Variants in RHOBTB3 observed in about 807,000 individuals in gnomAD.
RHOBTB3 encodes rho-related BTB domain-containing protein 3.
RHOBTB3 carries 47 observed loss-of-function variants against 67.2 expected under a neutral mutation model. The ratio of observed to expected loss-of-function variants is 0.70; its 90% CI spans 0.55 to 0.89. RHOBTB3 has a LOEUF of 0.89. RHOBTB3 is among the 40% of genes least tolerant of loss of function. RHOBTB3 has a pLI of 0.00. For missense variants in RHOBTB3, 631 were observed against 750.0 expected (o/e 0.84, Z 1.85); for synonymous variants, 273 against 274.2 (o/e 1.00, Z 0.04).
rs144600124 is a variant in RHOBTB3, at chr5:95,774,911, T to C, written c.1283-5341T>C. ...TTGTATTACATATATATATATATGATAGCATTGACTCTGGCAGCAACTCTG... is the reference window on the plus strand; with the variant it reads ...TTGTATTACATATATATATATATGACAGCATTGACTCTGGCAGCAACTCTG... On this transcript the variant is annotated intron_variant, in intron 8 of 11. Transcript: ENST00000379982. 2.8e-3 allele frequency among the ~76,000 whole-genome samples: 430 copies of C among 152,310 alleles called. 1 individual carries two copies. The highest frequency in any genetic ancestry group is 0.013 in the South Asian group (65 of 4,824).
At chr5:95,748,729 G>T (rs1745002443) in intron 4 of RHOBTB3, among the ~76,000 whole-genome samples, 1 of 152,100 alleles carries the variant, frequency 6.6e-6, no homozygotes, top group African/African-American at 2.4e-5. Context: ...GTGATCTTTA[G>T]TAGTCTTTGT....
At chr5:95,740,872 T>C (rs1406621262) in intron 3 of RHOBTB3, among the ~76,000 whole-genome samples, 1 of 152,172 alleles carries the variant, frequency 6.6e-6, no homozygotes, top group Admixed American at 6.5e-5. Context: ...CACACACTTT[T>C]TTTTGGCTGA....
chr5:95,741,424 ATTG>A (rs1470063705), intron 3 of RHOBTB3, among the ~76,000 whole-genome samples: 1 of 148,370 alleles, frequency 6.7e-6, no homozygotes, highest in Non-Finnish European at 1.5e-5. Context: ...GGGGTTTATC[ATTG>A]TTGTTGTCTT....
At chr5:95,774,809 A>G (rs1745819767) in intron 8 of RHOBTB3, among the ~76,000 whole-genome samples, 2 of 152,206 alleles carry the variant, frequency 1.3e-5, no homozygotes, top group Admixed American at 1.3e-4. Context: ...GTTCTAGTCT[A>G]GAATCAAGAA....
chr5:95,720,058 C>T (rs560156419), intron 1 of RHOBTB3, among the ~76,000 whole-genome samples: 6 of 152,136 alleles, frequency 3.9e-5, no homozygotes, highest in Non-Finnish European at 7.4e-5. Context: ...CTTTAATAGT[C>T]GAGAGTCTCA....
intron 11 of RHOBTB3, among the ~76,000 whole-genome samples, chr5:95,792,833 TC>T (rs1392681214): frequency 6.6e-6 from 1 of 151,494 alleles, no homozygotes; most frequent in Non-Finnish European, 1.5e-5. Flanking sequence ...GAAATACTAC[TC>T]GAAGTAGTGG....
chr5:95,738,424 A>C (rs1387693748), intron 3 of RHOBTB3, among the ~76,000 whole-genome samples: 1 of 152,082 alleles, frequency 6.6e-6, no homozygotes, highest in Non-Finnish European at 1.5e-5. Context: ...TTGTTCCCCA[A>C]AGTTCATGTG....
chr5:95,736,028 G>C lies in RHOBTB3; in HGVS notation c.229-861G>C, dbSNP rs571749954. ...GAGGCACAGGAATTGCTTGAACTTG[G>C]GAGGTGGAGGCTGCAGTGAGCCGAG... On this transcript the variant is annotated intron_variant, in intron 2 of 11. Coordinates refer to ENST00000379982, the MANE Select transcript of RHOBTB3 (RefSeq NM_014899.4). 5.1e-4 allele frequency among the ~76,000 whole-genome samples: 78 copies of C among 152,204 alleles called. 1 individual carries two copies. The Middle Eastern group carries it at 0.017, about 33-fold the overall frequency.
chr5:95,722,410 G>C (rs1218502609), intron 1 of RHOBTB3, among the ~76,000 whole-genome samples: 1 of 152,064 alleles, frequency 6.6e-6, no homozygotes, highest in Non-Finnish European at 1.5e-5. Context: ...ATGCATAACT[G>C]CATAATACAC....
chr5:95,788,973 A>T, intron 11 of RHOBTB3, 115 bp downstream of exon 11: 1 of 639,780 alleles, frequency 1.6e-6, no homozygotes. Flanking sequence ...AATGTAATAA[A>T]TTTCTTGTAA....
chr5:95,775,427 T>G lies in RHOBTB3; in HGVS notation c.1283-4825T>G, dbSNP rs192867025. Among the ~76,000 whole-genome samples, 180 of 147,076 alleles carry G rather than the reference T, an allele frequency of 1.2e-3. 1 individual carries two copies. The highest frequency in any genetic ancestry group is 1.2e-3 in the East Asian group (6 of 5,130). On this transcript the variant is annotated intron_variant, in intron 8 of 11. Coordinates refer to ENST00000379982, the MANE Select transcript of RHOBTB3 (RefSeq NM_014899.4). ...ATGTGTATATATATATATATACACA[T>G]ATATATACTATTAAACATTCTTAAT...
chr5:95,791,169 T>C (rs192993714), intron 11 of RHOBTB3, among the ~76,000 whole-genome samples: 1 of 152,290 alleles, frequency 6.6e-6, no homozygotes, highest in Admixed American at 6.5e-5. Context: ...CAACTTGTTT[T>C]CTGTTGACTG....
At chr5:95,741,750 G>A (rs991837180) in intron 3 of RHOBTB3, among the ~76,000 whole-genome samples, 1 of 151,796 alleles carries the variant, frequency 6.6e-6, no homozygotes, top group South Asian at 2.1e-4. Flanking sequence ...ATGAGCCCAG[G>A]CCCTTTAGTT....
intron 3 of RHOBTB3, among the ~76,000 whole-genome samples, chr5:95,745,443 T>G (rs1744866658): frequency 6.6e-6 from 1 of 152,180 alleles, no homozygotes; most frequent in South Asian, 2.1e-4. Context: ...ATTCATAGGT[T>G]TAAGCTCCCA....
rs1478642689 is a variant in RHOBTB3 at position 95,763,561 on chromosome 5, T to G, written c.1102T>G (p.Ser368Ala). 1.2e-6 allele frequency: 2 copies of G among 1,613,020 alleles called. No individual in the cohort carries two copies. The highest frequency in any genetic ancestry group is 1.7e-6 in the Non-Finnish European group (2 of 1,179,392). Residue 368 changes from serine (S) to alanine (A), a missense_variant, in exon 7 of 12, where the codon TCT becomes GCT. Physicochemically the swap from Ser to Ala is moderately conservative, Grantham distance 99 (BLOSUM62 1). Transcript: ENST00000379982. ...EEDIRKKLKD[S>A]GDVSNVIEKV... ...AGATATCAGGAAGAAGTTGAAAGATTCTGGGGATGTTTCAAATGTAATCGA... is the reference window on the plus strand; with the variant it reads ...AGATATCAGGAAGAAGTTGAAAGATGCTGGGGATGTTTCAAATGTAATCGA...
intron 3 of RHOBTB3, among the ~76,000 whole-genome samples, chr5:95,745,436 C>T (rs1432935174): frequency 6.6e-6 from 1 of 151,962 alleles, no homozygotes; most frequent in African/African-American, 2.4e-5. Context: ...AGAATGTATT[C>T]ATAGGTTTAA....
chr5:95,746,244 T>C (rs967195895), intron 3 of RHOBTB3, among the ~76,000 whole-genome samples: 2 of 152,152 alleles, frequency 1.3e-5, no homozygotes, highest in African/African-American at 4.8e-5. Flanking sequence ...CAAATCAGAT[T>C]GTTAAAAATT....
chr5:95,775,620 C>T (rs1002591767), intron 8 of RHOBTB3, among the ~76,000 whole-genome samples: 2 of 152,054 alleles, frequency 1.3e-5, no homozygotes, highest in Non-Finnish European at 2.9e-5. Context: ...CTCAGTGTGA[C>T]AGCCTTTGGG....
intron 4 of RHOBTB3, among the ~76,000 whole-genome samples, chr5:95,751,978 A>G (rs1745103947): frequency 6.6e-6 from 1 of 152,204 alleles, no homozygotes; most frequent in South Asian, 2.1e-4. Context: ...GCTGTTGTGA[A>G]TAGTGCATGT....
Sources: gnomAD v4.1 joint callset for allele counts (sites outside exome capture counted in the v4.1 genomes callset) on GRCh38, gnomAD v4.1.1 for gene constraint, MANE v1.5 for transcripts, NCBI Gene and HGNC (gene_info 2026-07-23, HGNC 2026-07-21) for gene names.